Variants in KLK12 observed in about 807,000 individuals in gnomAD.
The protein encoded by KLK12 is kallikrein related peptidase 12.
A neutral mutation model predicts 20.0 loss-of-function variants in KLK12; 23 were observed. That is an observed-to-expected ratio of 1.15 (90% CI 0.83 to 1.63). The LOEUF (loss-of-function observed/expected upper bound fraction) is 1.63, where lower values mean the gene tolerates loss of function less well. Ranked by LOEUF, KLK12 falls within the 40% of genes most tolerant of loss-of-function variation. The pLI, the probability that KLK12 is intolerant of heterozygous loss-of-function variation, is 0.00. For synonymous variants in KLK12, 147 were observed against 141.9 expected (o/e 1.04, Z -0.25); for missense variants, 351 against 338.6 (o/e 1.04, Z -0.29).
In KLK12 at chr19:51,034,886, T is replaced by C. The variant is rs1470251741; in HGVS notation, c.-100A>G. ...CGTCGCTGCTATCTCTCCGTCCACC[T>C]ACCTGCCTGTCTTCTCATGTGCTGG... On this transcript the variant is annotated 5_prime_UTR_variant, in exon 1 of 6. Coordinates refer to ENST00000684732, the MANE Select transcript of KLK12 (RefSeq NM_001370125.1). 1 of 1,367,896 alleles carries C rather than the reference T, an allele frequency of 7.3e-7. No homozygotes were observed. The highest frequency in any genetic ancestry group is 9.5e-7 in the Non-Finnish European group (1 of 1,057,386). 84.7% of individuals were successfully genotyped at this position (1,367,896 alleles called of 1,614,324 possible). A position where few individuals can be genotyped will look rare whatever the true frequency, so the allele number is the denominator to read the frequency against.
rs376079006 is a variant in KLK12, at chr19:51,029,361, C to T, written c.688G>A (p.Val230Ile). Residue 230 changes from valine (V) to isoleucine (I), a missense_variant, in exon 6 of 6, where the codon GTC (valine) becomes ATC (isoleucine). Transcript: ENST00000684732. The stretch of plus-strand genomic sequence containing the variant: ...ACATACTTGCAAATATAGGTGTAGA[C>T]TCCAGGGATGCCATCTTGTCCACAG... ...GPCGQDGIPGVYTYICKYVDW... is the reference protein window; with the variant it reads ...GPCGQDGIPGIYTYICKYVDW... The T allele has an allele frequency of 1.2e-6, 2 of 1,613,136 alleles. No homozygotes were observed. The highest frequency in any genetic ancestry group is 1.7e-6 in the Non-Finnish European group (2 of 1,179,716).
Position 51,034,617 on chromosome 19 carries a change from C to T in KLK12, c.5G>A (p.Gly2Glu), listed in dbSNP as rs143108777. 323 of 1,609,674 alleles carry T rather than the reference C, an allele frequency of 2.0e-4. No individual in the cohort carries two copies. Among genetic ancestry groups the T allele is most frequent in the Non-Finnish European group, 2.6e-4 (305 of 1,178,818 alleles). M[G>E]LSIFLLLCVL... ...ACACAGGAGCAAAAAGATGCTGAGCCCCATGGTGGGTCACTTCCAAAGTCT... is the reference window on the plus strand; with the variant it reads ...ACACAGGAGCAAAAAGATGCTGAGCTCCATGGTGGGTCACTTCCAAAGTCT... The change falls in exon 2 of 6, where the codon GGG becomes GAG. Residue 2 changes from glycine (G) to glutamate (E), a missense_variant. Transcript: ENST00000684732.
rs375064048 is a variant in KLK12 at position 51,029,107 on chromosome 19, A to G, written c.*195T>C. ...GACAGACATGGCCCCTCCTTCATTT[A>G]TATTTATTCCAGACTATTGCACACT... On this transcript the variant is annotated 3_prime_UTR_variant, in exon 6 of 6. Coordinates refer to ENST00000684732, the MANE Select transcript of KLK12 (RefSeq NM_001370125.1). 5.4e-5 allele frequency: 86 copies of G among 1,586,628 alleles called. No homozygotes were observed. The highest frequency in any genetic ancestry group is 7.1e-5 in the Non-Finnish European group (82 of 1,155,406).
At chr19:51,031,591 C>CATAT (rs1185762497) in intron 4 of KLK12, among the ~76,000 whole-genome samples, 1 of 60,480 alleles carries the variant, frequency 1.7e-5, no homozygotes, top group South Asian at 6.5e-4. Flanking sequence ...ATATCCTATA[C>CATAT]ATACATATAT....
Position 51,034,914 on chromosome 19 carries a change from A to C in KLK12, c.-128T>G. 8 of 1,291,854 alleles carry C rather than the reference A, an allele frequency of 6.2e-6. No individual in the cohort carries two copies. Among genetic ancestry groups the C allele is most frequent in the East Asian group, 3.5e-5 (1 of 28,636 alleles). 80.0% of individuals were successfully genotyped at this position (1,291,854 alleles called of 1,614,324 possible). A position where few individuals can be genotyped will look rare whatever the true frequency, so the allele number is the denominator to read the frequency against. The stretch of plus-strand genomic sequence containing the variant: ...CTGCCTGTCTTCTCATGTGCTGGCC[A>C]CTCCGCCAGCCAACTCTACCACTCT... On this transcript the variant is annotated 5_prime_UTR_variant, in exon 1 of 6. Transcript: ENST00000684732.
chr19:51,032,233 T>G, intron 3 of KLK12, 98 bp from the exon 4 acceptor site: 1 of 1,348,688 alleles, frequency 7.4e-7, no homozygotes, highest in Non-Finnish European at 1.0e-6. Flanking sequence ...CCCACTGTTC[T>G]GCCCCTCACT....
At chr19:51,030,436 G>A (rs984375394) in intron 5 of KLK12, among the ~76,000 whole-genome samples, 1 of 151,336 alleles carries the variant, frequency 6.6e-6, no homozygotes, top group East Asian at 1.9e-4. Flanking sequence ...TGCAACCTCC[G>A]CCTCCCGGGA....
chr19:51,031,385 T>G (rs2091555545), intron 4 of KLK12, among the ~76,000 whole-genome samples: 1 of 151,792 alleles, frequency 6.6e-6, no homozygotes, highest in Non-Finnish European at 1.5e-5. Context: ...GATCCTAGTT[T>G]ATTGGGCCCC....
Position 51,031,932 on chromosome 19 carries a change from G to A in KLK12, c.401C>T (p.Ala134Val). The change falls in exon 4 of 6, where the codon GCA (alanine) becomes GTA (valine). Residue 134 changes from alanine to valine, a missense_variant. Physicochemically the swap from Ala to Val is moderately conservative, Grantham distance 64. Transcript: ENST00000684732. The stretch of plus-strand genomic sequence containing the variant: ...GACGTGGCACTCGGTGCCAGCGGTT[G>A]CACAGTCATTGGGCAGGGGCAGGGG... Reference protein sequence around the residue: ...VQPLPLPNDCATAGTECHVSG... With the variant: ...VQPLPLPNDCVTAGTECHVSG... The A allele has an allele frequency of 6.2e-7, 1 of 1,613,438 alleles. No individual in the cohort carries two copies. Among genetic ancestry groups the A allele is most frequent in the Non-Finnish European group, 8.5e-7 (1 of 1,179,676 alleles).
At chr19:51,029,723 A>G (rs1473551340) in intron 5 of KLK12, among the ~76,000 whole-genome samples, 2 of 152,218 alleles carry the variant, frequency 1.3e-5, no homozygotes, top group South Asian at 4.1e-4. Flanking sequence ...GGCCCTGACC[A>G]ATGAGGAGAG....
Position 51,030,278 on chromosome 19 carries a change from T to C in KLK12, c.591+510A>G, listed in dbSNP as rs537345355. On this transcript the variant is annotated intron_variant, in intron 5 of 5. Coordinates refer to ENST00000684732, the MANE Select transcript of KLK12 (RefSeq NM_001370125.1). Reference sequence around the variant, plus strand: ...TCCTCCATTCCCCGGTCCTCCCTTTTACTCCCTGTCTCTCTCCCTCCCTTA... The same window carrying C: ...TCCTCCATTCCCCGGTCCTCCCTTTCACTCCCTGTCTCTCTCCCTCCCTTA... 3.1e-3 allele frequency among the ~76,000 whole-genome samples: 464 copies of C among 151,308 alleles called. 4 individuals carry two copies. Among genetic ancestry groups the C allele is most frequent in the African/African-American group, 0.011 (449 of 41,216 alleles).
At chr19:51,033,313 A>T (rs1169843665) in intron 3 of KLK12, among the ~76,000 whole-genome samples, 2 of 151,796 alleles carry the variant, frequency 1.3e-5, no homozygotes, top group Admixed American at 6.6e-5. Context: ...CTGAAGTTGC[A>T]CAAAGAGTTT....
intron 5 of KLK12, 22 bp from the exon 6 acceptor site, chr19:51,029,479 G>T: frequency 6.3e-7 from 1 of 1,579,418 alleles, no homozygotes; most frequent in Non-Finnish European, 8.7e-7. Context: ...GAGAAGTACT[G>T]TCTGAACAAG....
intron 4 of KLK12, 65 bp downstream of exon 4, chr19:51,031,805 TTCGACC>T: frequency 6.6e-7 from 1 of 1,513,472 alleles, no homozygotes; most frequent in Non-Finnish European, 9.1e-7. Context: ...GGTGTCATGA[TTCGACC>T]TCTCGCCCTG....
Position 51,030,320 on chromosome 19 carries a change from CATTATTATT to C in KLK12, c.591+459_591+467del, listed in dbSNP as rs143678001. Among the ~76,000 whole-genome samples the C allele has an allele frequency of 2.2e-3, 293 of 134,682 alleles. 1 individual carries two copies. The highest frequency in any genetic ancestry group is 6.8e-3 in the African/African-American group (244 of 35,786). The allele number at this position is 134,682 out of a possible 152,430, so 88.4% of individuals were successfully genotyped here. On this transcript the variant is annotated intron_variant, in intron 5 of 5. Coordinates refer to ENST00000684732, the MANE Select transcript of KLK12 (RefSeq NM_001370125.1). ...CCTCCCTTATCCTGGGCCTCTCCTC[CATTATTATT>C]ATTATTATTATTATTATTATTATTA...
Position 51,029,242 on chromosome 19 carries a change from GC to G in KLK12, c.*59del. 1 of 1,614,082 alleles carries G rather than the reference GC, an allele frequency of 6.2e-7. No homozygotes were observed. Among genetic ancestry groups the G allele is most frequent in the East Asian group, 2.2e-5 (1 of 44,874 alleles). Reference sequence around the variant, plus strand: ...GGGAAGTGATGGAGGAGATATTGGTGCTCTGAGGGCCAGAGGGGTACCCAAG... The same window carrying G: ...GGGAAGTGATGGAGGAGATATTGGTGTCTGAGGGCCAGAGGGGTACCCAAG... On this transcript the variant is annotated 3_prime_UTR_variant, in exon 6 of 6. Coordinates refer to ENST00000684732, the MANE Select transcript of KLK12 (RefSeq NM_001370125.1).
At chr19:51,031,542 C>T (rs969592130) in intron 4 of KLK12, among the ~76,000 whole-genome samples, 5 of 148,882 alleles carry the variant, frequency 3.4e-5, no homozygotes, top group South Asian at 2.1e-4. Flanking sequence ...CTTAATTCTA[C>T]GGTGACCTCT....
rs569210817 is a variant in KLK12 at position 51,033,789 on chromosome 19, C to A, written c.197+191G>T. ...TTCCAGGACCCTCCCCGGCCCTCCA[C>A]CCAACATACCTCACCCTGCCCAGCA... On this transcript the variant is annotated intron_variant, in intron 3 of 5. Transcript: ENST00000684732. The A allele has an allele frequency of 4.6e-6, 3 of 654,664 alleles. No individual in the cohort carries two copies. The East Asian group carries it at 8.3e-5, about 18-fold the overall frequency. 40.6% of individuals were successfully genotyped at this position (654,664 alleles called of 1,614,324 possible).
At chr19:51,033,020 C>T (rs2091574585) in intron 3 of KLK12, among the ~76,000 whole-genome samples, 1 of 151,560 alleles carries the variant, frequency 6.6e-6, no homozygotes, top group Admixed American at 6.6e-5. Flanking sequence ...TTGAGACCAG[C>T]CTGGGTAACA....
Sources: gnomAD v4.1 joint callset for allele counts (sites outside exome capture counted in the v4.1 genomes callset) on GRCh38, gnomAD v4.1.1 for gene constraint, MANE v1.5 for transcripts, NCBI Gene and HGNC (gene_info 2026-07-23, HGNC 2026-07-21) for gene names.